AZGP1: variants seen among roughly 807,000 people sequenced by gnomAD.
AZGP1 encodes zinc-alpha-2-glycoprotein.
AZGP1 carries 28 observed loss-of-function variants against 31.5 expected under a neutral mutation model. The observed-to-expected ratio is 0.89, with a 90% CI of 0.66 to 1.22. AZGP1 has a LOEUF of 1.22. AZGP1 is among the 50% of genes most tolerant of loss of function. AZGP1 has a pLI of 0.00. For synonymous variants in AZGP1, 135 were observed against 145.4 expected (o/e 0.93, Z 0.51); for missense variants, 361 against 371.8 (o/e 0.97, Z 0.24).
chr7:99,971,775 T>C lies in AZGP1; in HGVS notation c.308A>G (p.Asp103Gly). 3 of 1,614,058 alleles carry C rather than the reference T, an allele frequency of 1.9e-6. No homozygotes were observed. In the South Asian group the frequency reaches 3.3e-5, roughly 18 times the overall value. The change falls in exon 2 of 4, where the codon GAC (aspartate) becomes GGC (glycine). Residue 103 changes from aspartate (D) to glycine (G), a missense_variant. Coordinates refer to ENST00000292401, the MANE Select transcript of AZGP1 (RefSeq NM_001185.4). ...REDIFMETLK[D>G]IVEYYNDSNG... is the part of the protein sequence containing the mutation. ...ACTGTCGTTGTAATACTCCACGATG[T>C]CTTTCAGGGTCTCCATAAAGATGTC...
intron 1 of AZGP1, among the ~76,000 whole-genome samples, chr7:99,974,704 T>G (rs1789630841): frequency 6.6e-6 from 1 of 152,234 alleles, no homozygotes; most frequent in African/African-American, 2.4e-5. Context: ...ATACCTCATT[T>G]TTGATGATGT....
At position 99,966,746 on chromosome 7, in the gene AZGP1, A is replaced by T; in HGVS notation, c.*257T>A. 1 of 540,136 alleles carries T rather than the reference A, an allele frequency of 1.9e-6. No homozygotes were observed. Among genetic ancestry groups the T allele is most frequent in the Non-Finnish European group, 3.2e-6 (1 of 312,136 alleles). 33.5% of individuals were successfully genotyped at this position (540,136 alleles called of 1,614,324 possible). A position where few individuals can be genotyped will look rare whatever the true frequency, so the allele number is the denominator to read the frequency against. On this transcript the variant is annotated 3_prime_UTR_variant, in exon 4 of 4. Coordinates refer to ENST00000292401, the MANE Select transcript of AZGP1 (RefSeq NM_001185.4). ...TCTCTGTTATGCTAGGCAAGGAGGG[A>T]TGATTATTTATTAGCTTCTACAGAT...
At chr7:99,971,600 T>A in intron 2 of AZGP1, 146 bp downstream of exon 2, 1 of 1,009,712 alleles carries the variant, frequency 9.9e-7, no homozygotes, top group Non-Finnish European at 1.4e-6. Context: ...GTGGGTGGGA[T>A]GTGGACATGT....
Position 99,968,332 on chromosome 7 carries a change from C to A in AZGP1, c.436G>T (p.Glu146Ter). ...CAGGCTGGGATTTCTTTGTTGAATT[C>A]AATGTAGTCCTTTCCATCATAGTAA... The part of the protein sequence containing the change: ...KYYYDGKDYI[E>*]FNKEIPAWVP... Residue 146 changes from glutamate (E) to a stop codon, truncating the protein, a stop_gained, in exon 3 of 4, where the codon GAA becomes TAA. Coordinates refer to ENST00000292401, the MANE Select transcript of AZGP1 (RefSeq NM_001185.4). LOFTEE classifies it high-confidence loss of function. 1 of 1,613,700 alleles carries A rather than the reference C, an allele frequency of 6.2e-7. No individual in the cohort carries two copies. The highest frequency in any genetic ancestry group is 1.6e-4 in the Middle Eastern group (1 of 6,062).
Position 99,972,020 on chromosome 7 carries a change from G to T in AZGP1, c.77-14C>A. 6.3e-7 allele frequency: 1 copy of T among 1,592,788 alleles called. No individual in the cohort carries two copies. Among genetic ancestry groups the T allele is most frequent in the Non-Finnish European group, 8.6e-7 (1 of 1,168,288 alleles). On this transcript the variant is annotated splice_polypyrimidine_tract_variant and intron_variant, in intron 1 of 3. Transcript: ENST00000292401. ...GAGAGTAACGACCTGCAAAAGAAAA[G>T]ATTCTGATGGTTGAGGTCCATGCAA...
At chr7:99,975,915 C>T in intron 1 of AZGP1, 30 bp downstream of exon 1, 1 of 1,612,194 alleles carries the variant, frequency 6.2e-7, no homozygotes. Context: ...CAGTCCTCTC[C>T]AGCACCCATC....
intron 1 of AZGP1, among the ~76,000 whole-genome samples, chr7:99,972,459 T>G (rs1789594557): frequency 6.6e-6 from 1 of 152,120 alleles, no homozygotes; most frequent in African/African-American, 2.4e-5. Flanking sequence ...GATCCCTGAG[T>G]CACCCCATGG....
chr7:99,974,067 G>C (rs747729454), intron 1 of AZGP1, among the ~76,000 whole-genome samples: 6 of 152,068 alleles, frequency 3.9e-5, no homozygotes, highest in Non-Finnish European at 7.4e-5. Flanking sequence ...GAGGTCAAGA[G>C]GTCAAGACCA....
chr7:99,971,729 G>A lies in AZGP1; in HGVS notation c.337+17C>T, dbSNP rs753781340. On this transcript the variant is annotated intron_variant, in intron 2 of 3. Transcript: ENST00000292401. ...TTGGGTTAGACCTTCCACCCCTGTG[G>A]TCTGTTATTCACTGACCGTTACTGT... 2.5e-6 allele frequency: 4 copies of A among 1,610,620 alleles called. No individual in the cohort carries two copies. The Admixed American group carries it at 5.0e-5, about 20-fold the overall frequency.
chr7:99,975,716 A>G (rs1043795117), intron 1 of AZGP1, among the ~76,000 whole-genome samples: 1 of 152,008 alleles, frequency 6.6e-6, no homozygotes, highest in Non-Finnish European at 1.5e-5. Flanking sequence ...TTCACTGTAA[A>G]CTAGGGGTTT....
At chr7:99,971,364 G>A (rs149834627) in intron 2 of AZGP1, among the ~76,000 whole-genome samples, 9 of 152,216 alleles carry the variant, frequency 5.9e-5, no homozygotes, top group African/African-American at 2.2e-4. Flanking sequence ...GTGAGCCCAG[G>A]TCTGAGTGAC....
At position 99,971,919 on chromosome 7, in the gene AZGP1, T is replaced by A; in HGVS notation, c.164A>T (p.Asp55Val). 6.2e-7 allele frequency: 1 copy of A among 1,613,842 alleles called. No homozygotes were observed. The highest frequency in any genetic ancestry group is 1.1e-5 in the South Asian group (1 of 91,068). ...PAFQALGSLNDLQFFRYNSKD... is the reference protein window; with the variant it reads ...PAFQALGSLNVLQFFRYNSKD... ...ACTGTTGTATCTAAAGAACTGGAGG[T>A]CATTGAGTGAGCCAAGGGCCTGAAA... Residue 55 changes from aspartate (D) to valine (V), a missense_variant, in exon 2 of 4, where the codon GAC (aspartate) becomes GTC (valine). Transcript: ENST00000292401.
intron 2 of AZGP1, chr7:99,968,808 T>C (rs886209245): frequency 8.6e-6 from 2 of 233,234 alleles, no homozygotes; most frequent in Non-Finnish European, 1.6e-5. Context: ...ACAAAAAATA[T>C]AAAAATTAGC....
In AZGP1 at chr7:99,967,187, T is replaced by C; in HGVS notation, c.713A>G (p.His238Arg). The change falls in exon 4 of 4, where the codon CAC (histidine) becomes CGC (arginine). Residue 238 changes from histidine to arginine, a missense_variant. By Grantham distance (29) the His-to-Arg change is conservative. Coordinates refer to ENST00000292401, the MANE Select transcript of AZGP1 (RefSeq NM_001185.4). ...CTGCACCTCGCCGGCCCGAGTCCAG[T>C]GCACATCAATTTTCCCTGGGTAGAA... The part of the protein sequence containing the change: ...YDFYPGKIDV[H>R]WTRAGEVQEP... 6.2e-7 allele frequency: 1 copy of C among 1,614,066 alleles called. No homozygotes were observed. The highest frequency in any genetic ancestry group is 8.5e-7 in the Non-Finnish European group (1 of 1,179,972).
intron 1 of AZGP1, among the ~76,000 whole-genome samples, chr7:99,972,703 A>G (rs1343038688): frequency 6.6e-6 from 1 of 152,228 alleles, no homozygotes; most frequent in African/African-American, 2.4e-5. Flanking sequence ...AATCCCAGTC[A>G]TGCTGGAGGC....
At chr7:99,971,566 A>C in intron 2 of AZGP1, 180 bp downstream of exon 2, 2 of 695,366 alleles carry the variant, frequency 2.9e-6, no homozygotes, top group Non-Finnish European at 4.6e-6. Context: ...TTGATGGGGA[A>C]GCGGGGAGCA....
At position 99,967,073 on chromosome 7, in the gene AZGP1, G is replaced by T. The variant is rs751321362; in HGVS notation, c.827C>A (p.Ala276Asp). Residue 276 changes from alanine to aspartate, a missense_variant, in exon 4 of 4, where the codon GCC becomes GAC. Coordinates refer to ENST00000292401, the MANE Select transcript of AZGP1 (RefSeq NM_001185.4). ...VVVAVPPQDT[A>D]PYSCHVQHSS... Reference sequence around the variant, plus strand: ...GTGCTGCACGTGGCAGGAGTAGGGGGCTGTGTCCTGCGGGGGCACTGCCAC... The same window carrying T: ...GTGCTGCACGTGGCAGGAGTAGGGGTCTGTGTCCTGCGGGGGCACTGCCAC... 4 of 1,614,186 alleles carry T rather than the reference G, an allele frequency of 2.5e-6. No individual in the cohort carries two copies. In the East Asian group the frequency reaches 8.9e-5, roughly 36 times the overall value.
At position 99,971,882 on chromosome 7, in the gene AZGP1, C is replaced by G. The variant is rs925877002; in HGVS notation, c.201G>C (p.Lys67Asn). The change falls in exon 2 of 4, where the codon AAG becomes AAC. Residue 67 changes from lysine (K) to asparagine (N), a missense_variant. By Grantham distance (94) the Lys-to-Asn change is moderately conservative (BLOSUM62 0). Coordinates refer to ENST00000292401, the MANE Select transcript of AZGP1 (RefSeq NM_001185.4). ...QFFRYNSKDR[K>N]SQPMGLWRQV... ...GTCTCCAGAGTCCCATGGGCTGAGA[C>G]TTCCTGTCTTTACTGTTGTATCTAA... 6.2e-7 allele frequency: 1 copy of G among 1,614,078 alleles called. No individual in the cohort carries two copies. Among genetic ancestry groups the G allele is most frequent in the African/African-American group, 1.3e-5 (1 of 74,926 alleles).
In AZGP1 at chr7:99,968,413, C is replaced by A. The variant is rs1198270606; in HGVS notation, c.355G>T (p.Gly119Ter). 1.2e-6 allele frequency: 2 copies of A among 1,613,896 alleles called. No homozygotes were observed. Among genetic ancestry groups the A allele is most frequent in the Non-Finnish European group, 1.7e-6 (2 of 1,180,000 alleles). Reference protein sequence around the residue: ...NDSNGSHVLQGRFGCEIENNR... With the variant: ...NDSNGSHVLQ ...TTCTCGATCTCACAACCAAACCTTC[C>A]CTGCAATACGTGAGACCCTGAAAAC... The change falls in exon 3 of 4, where the codon GGA becomes TGA. Residue 119 changes from glycine to a stop codon, truncating the protein, a stop_gained. Transcript: ENST00000292401. LOFTEE classifies it high-confidence loss of function.
Sources: gnomAD v4.1 joint callset for allele counts (sites outside exome capture counted in the v4.1 genomes callset) on GRCh38, gnomAD v4.1.1 for gene constraint, MANE v1.5 for transcripts, NCBI Gene and HGNC (gene_info 2026-07-23, HGNC 2026-07-21) for gene names.